DNAJC3: variants seen among roughly 807,000 people sequenced by gnomAD.
DNAJC3 encodes dnaJ homolog subfamily C member 3.
Under a neutral mutation model 68.6 loss-of-function variants are expected in DNAJC3, and 38 were observed. The observed-to-expected ratio is 0.55, with a 90% confidence interval of 0.43 to 0.73. DNAJC3 has a LOEUF of 0.73. Among genes scored for constraint, DNAJC3 ranks in the 30% least tolerant of loss-of-function variants. The pLI, the probability that DNAJC3 is intolerant of heterozygous loss-of-function variation, is 0.00. For synonymous variants in DNAJC3, 203 were observed against 204.0 expected (o/e 1.00, Z 0.04); for missense variants, 526 against 591.9 (o/e 0.89, Z 1.16).
At chr13:95,781,386 C>T (rs1883448435) in intron 9 of DNAJC3, among the ~76,000 whole-genome samples, 1 of 152,140 alleles carries the variant, frequency 6.6e-6, no homozygotes, top group Admixed American at 6.5e-5. Flanking sequence ...AAGATAATGG[C>T]TTCCAGATCT....
intron 1 of DNAJC3, among the ~76,000 whole-genome samples, chr13:95,677,547 A>G (rs1318412248): frequency 1.3e-5 from 2 of 152,110 alleles, no homozygotes; most frequent in East Asian, 3.9e-4. Context: ...CGGGGCCGGG[A>G]CAGCGGGTTT....
Position 95,677,306 on chromosome 13 carries a change from C to A in DNAJC3, c.51C>A (p.Phe17Leu). 1.2e-6 allele frequency: 2 copies of A among 1,600,304 alleles called. No individual in the cohort carries two copies. Among genetic ancestry groups the A allele is most frequent in the Non-Finnish European group, 1.7e-6 (2 of 1,174,758 alleles). The change falls in exon 1 of 12, where the codon TTC (phenylalanine) becomes TTA (leucine). Residue 17 changes from phenylalanine to leucine, a missense_variant. Phe to Leu is a conservative substitution (Grantham distance 22). Transcript: ENST00000602402. ...GCCGGCTGGGCTCGGTATTCCCCTT[C>A]CTGCTAGTCCTGGTGGATCTGCAGT... Reference protein sequence around the residue: ...VTSRLGSVFPFLLVLVDLQYE... With the variant: ...VTSRLGSVFPLLLVLVDLQYE...
chr13:95,778,685 T>C (rs1450826767), intron 9 of DNAJC3, among the ~76,000 whole-genome samples: 1 of 152,192 alleles, frequency 6.6e-6, no homozygotes, highest in East Asian at 1.9e-4. Context: ...AGTAAAAACA[T>C]TGAATTGAAA....
chr13:95,713,560 C>T (rs1881042667), intron 2 of DNAJC3, among the ~76,000 whole-genome samples: 1 of 152,104 alleles, frequency 6.6e-6, no homozygotes, highest in Non-Finnish European at 1.5e-5. Flanking sequence ...AAGTGGCCCC[C>T]AAATTGGTCT....
intron 1 of DNAJC3, among the ~76,000 whole-genome samples, chr13:95,697,038 T>C (rs1280191462): frequency 6.6e-6 from 1 of 152,240 alleles, no homozygotes; most frequent in African/African-American, 2.4e-5. Flanking sequence ...TTAATATTGA[T>C]ATGTGAAAGT....
chr13:95,764,677 TATATATAC>T (rs1426488849), intron 9 of DNAJC3, among the ~76,000 whole-genome samples: 17 of 122,820 alleles, frequency 1.4e-4, no homozygotes, highest in African/African-American at 4.7e-4. Context: ...TATATATATA[TATATATAC>T]ACACACACAC....
intron 9 of DNAJC3, among the ~76,000 whole-genome samples, chr13:95,779,126 T>C (rs868104385): frequency 0.082 from 11,267 of 136,998 alleles, 375 homozygotes; most frequent in Middle Eastern, 0.17. Context: ...TTTCTTTTTT[T>C]TTTTTTTTTT....
chr13:95,679,193 TCAG>T (rs911221914), intron 1 of DNAJC3, among the ~76,000 whole-genome samples: 8 of 109,542 alleles, frequency 7.3e-5, no homozygotes, highest in South Asian at 6.3e-4. Flanking sequence ...AGAAAAAAAA[TCAG>T]CACTTTTTTT....
intron 7 of DNAJC3, among the ~76,000 whole-genome samples, chr13:95,761,275 G>A (rs1321719684): frequency 6.6e-6 from 1 of 151,614 alleles, no homozygotes; most frequent in Non-Finnish European, 1.5e-5. Context: ...TTTTTTTTTA[G>A]AGAAGGTGAT....
intron 4 of DNAJC3, among the ~76,000 whole-genome samples, chr13:95,735,526 G>C (rs895384932): frequency 6.6e-6 from 1 of 150,744 alleles, no homozygotes; most frequent in Admixed American, 6.6e-5. Flanking sequence ...ACTGGTGTGA[G>C]TTGGTATCTC....
chr13:95,721,675 A>G (rs900937085), intron 2 of DNAJC3, among the ~76,000 whole-genome samples: 3 of 127,664 alleles, frequency 2.3e-5, no homozygotes, highest in African/African-American at 9.0e-5. Context: ...TTTAGTTTTT[A>G]TTAGTATTTT....
At chr13:95,706,544 A>G (rs1880754940) in intron 1 of DNAJC3, among the ~76,000 whole-genome samples, 1 of 152,160 alleles carries the variant, frequency 6.6e-6, no homozygotes, top group African/African-American at 2.4e-5. Context: ...AAAATTTGAC[A>G]TGGGTTAGTG....
chr13:95,703,464 T>C (rs764174641), intron 1 of DNAJC3, among the ~76,000 whole-genome samples: 1 of 152,192 alleles, frequency 6.6e-6, no homozygotes, highest in African/African-American at 2.4e-5. Flanking sequence ...CTATGAAAGC[T>C]GACACAGGAA....
At chr13:95,700,773 TTC>T (rs1461306682) in intron 1 of DNAJC3, among the ~76,000 whole-genome samples, 2 of 152,308 alleles carry the variant, frequency 1.3e-5, no homozygotes, top group East Asian at 1.9e-4. Context: ...TGTGTCTTTT[TTC>T]TCTCTTATTT....
intron 1 of DNAJC3, chr13:95,693,768 A>G (rs1349978610): frequency 6.6e-6 from 1 of 150,652 alleles, no homozygotes; most frequent in East Asian, 1.9e-4. Context: ...AATTTTACTC[A>G]ACCACAATCC....
intron 9 of DNAJC3, among the ~76,000 whole-genome samples, chr13:95,777,642 T>C (rs995325386): frequency 6.6e-6 from 1 of 152,222 alleles, no homozygotes; most frequent in Admixed American, 6.5e-5. Flanking sequence ...AATCTATGAA[T>C]ATATCTGACA....
chr13:95,777,478 G>T (rs1883323232), intron 9 of DNAJC3, among the ~76,000 whole-genome samples: 2 of 151,970 alleles, frequency 1.3e-5, no homozygotes, highest in Admixed American at 6.6e-5. Context: ...CTGCATACAG[G>T]TTATACATGA....
chr13:95,690,992 A>G (rs1382402222), intron 1 of DNAJC3, among the ~76,000 whole-genome samples: 1 of 130,234 alleles, frequency 7.7e-6, no homozygotes, highest in Non-Finnish European at 1.6e-5. Flanking sequence ...TCCCTCCCGG[A>G]TGGGGTGGCT....
At position 95,786,013 on chromosome 13, in the gene DNAJC3, C is replaced by T. The variant is rs767011090; in HGVS notation, c.1150C>T (p.Gln384Ter). The T allele has an allele frequency of 1.2e-6, 2 of 1,611,694 alleles. No individual in the cohort carries two copies. The highest frequency in any genetic ancestry group is 1.7e-5 in the Admixed American group (1 of 59,700). The change falls in exon 10 of 12, where the codon CAA becomes TAA. Residue 384 changes from glutamine (Q) to a stop codon, truncating the protein, a stop_gained. Coordinates refer to ENST00000602402, the MANE Select transcript of DNAJC3 (RefSeq NM_006260.5). LOFTEE classifies it high-confidence loss of function. ...GATTCGAGAAGGTCTAGAGAAAGCA[C>T]AAAGATTATTGAAACAGTCGCAGAA... ...QQIREGLEKA[Q>*]RLLKQSQKRD...
Sources: allele counts gnomAD v4.1 joint callset (sites outside exome capture counted in the v4.1 genomes callset), GRCh38; gene constraint gnomAD v4.1.1; transcripts MANE v1.5; gene names NCBI Gene and HGNC (gene_info 2026-07-23, HGNC 2026-07-21).